Variants in NRK observed in about 807,000 individuals in gnomAD.
The protein encoded by NRK is Nik related kinase.
NRK carries 67 observed loss-of-function variants against 125.2 expected under a neutral mutation model. The ratio of observed to expected loss-of-function variants is 0.54; its 90% CI spans 0.44 to 0.66. NRK has a LOEUF of 0.66. NRK is among the 30% of genes least tolerant of loss of function. The pLI is 0.00. For synonymous variants in NRK, 458 were observed against 429.0 expected (o/e 1.07, Z -0.84); for missense variants, 1,224 against 1,192.9 (o/e 1.03, Z -0.38).
chrX:105,835,996 A>G (rs780957010), intron 2 of NRK, among the ~76,000 whole-genome samples: 16 of 111,682 alleles, frequency 1.4e-4, no homozygotes, highest in Non-Finnish European at 3.0e-4. Context: ...AAACAAAGAA[A>G]AATTTAGTTG....
At position 105,909,349 on chromosome X, in the gene NRK, C is replaced by T; in HGVS notation, c.1708C>T (p.Gln570Ter). Residue 570 changes from glutamine to a stop codon, truncating the protein, a stop_gained, in exon 13 of 29, where the codon CAG becomes TAG. Coordinates refer to ENST00000243300, the MANE Select transcript of NRK (RefSeq NM_198465.4). LOFTEE classifies it high-confidence loss of function. ...EVQEQAAEPA[Q>*]AETEAEEPES... ...ACAGGAACAGGCTGCCGAGCCTGCACAGGCAGAGACTGAGGCAGAGGAACC... is the reference window on the plus strand; with the variant it reads ...ACAGGAACAGGCTGCCGAGCCTGCATAGGCAGAGACTGAGGCAGAGGAACC... 1 of 1,206,076 alleles carries T rather than the reference C, an allele frequency of 8.3e-7. No homozygotes were observed. The highest frequency in any genetic ancestry group is 1.1e-6 in the Non-Finnish European group (1 of 891,599).
intron 2 of NRK, among the ~76,000 whole-genome samples, chrX:105,849,841 A>G (rs1329671167): frequency 9.0e-6 from 1 of 111,674 alleles, no homozygotes; most frequent in Non-Finnish European, 1.9e-5. Context: ...CATATTTATT[A>G]CCTCCTGACT....
chrX:105,907,916 C>T (rs1486283839), intron 11 of NRK: 1 of 135,532 alleles, frequency 7.4e-6, no homozygotes, highest in African/African-American at 3.2e-5. Flanking sequence ...AAGCCATGCT[C>T]ACCACTATTT....
chrX:105,941,269 T>C (rs1168482330), intron 23 of NRK, among the ~76,000 whole-genome samples: 1 of 110,775 alleles, frequency 9.0e-6, no homozygotes, highest in Non-Finnish European at 1.9e-5. Flanking sequence ...CCACCTAAGC[T>C]CTCAGAACAG....
At chrX:105,866,014 C>CA (rs113129723) in intron 2 of NRK, among the ~76,000 whole-genome samples, 19,686 of 75,785 alleles carry the variant, frequency 0.26, 1,753 homozygotes, top group Middle Eastern at 0.34. Flanking sequence ...CAAAACAAAG[C>CA]AAAAAAAAAA....
chrX:105,893,794 G>T, intron 5 of NRK, 38 bp from the exon 6 acceptor site: 1 of 839,023 alleles, frequency 1.2e-6, no homozygotes, highest in Non-Finnish European at 1.8e-6. Flanking sequence ...TCAGAAAATT[G>T]GACACTAATT....
Position 105,909,698 on chromosome X carries a change from CAA to C in NRK, c.2060_2061del (p.Lys687SerfsTer26). On this transcript the variant is annotated frameshift_variant, in exon 13 of 29. Transcript: ENST00000243300. LOFTEE classifies it high-confidence loss of function. ...CCAGAACAGGCACGGGAGAAAAAAT[CAA>C]AAGTTTCTACTCTGAGGCAAGCACT... 1 of 1,186,034 alleles carries C rather than the reference CAA, an allele frequency of 8.4e-7. No homozygotes were observed. Among genetic ancestry groups the C allele is most frequent in the Non-Finnish European group, 1.1e-6 (1 of 881,872 alleles).
intron 2 of NRK, among the ~76,000 whole-genome samples, chrX:105,874,335 A>G (rs1010160586): frequency 7.1e-5 from 8 of 112,342 alleles, no homozygotes; most frequent in African/African-American, 2.3e-4. Flanking sequence ...CAAAGGAAGT[A>G]GGGGCTAAAG....
At chrX:105,832,876 AAGTT>A (rs2039212982) in intron 2 of NRK, among the ~76,000 whole-genome samples, 1 of 109,685 alleles carries the variant, frequency 9.1e-6, no homozygotes, top group African/African-American at 3.3e-5. Context: ...TAAAAAGAAA[AAGTT>A]AGCCAGGTGC....
chrX:105,883,599 T>C (rs1420021741), intron 4 of NRK, among the ~76,000 whole-genome samples: 1 of 112,064 alleles, frequency 8.9e-6, no homozygotes, highest in Non-Finnish European at 1.9e-5. Flanking sequence ...TGCAACTACA[T>C]AGCTGCCCAG....
intron 2 of NRK, among the ~76,000 whole-genome samples, chrX:105,848,888 C>A (rs2039434343): frequency 8.9e-6 from 1 of 112,097 alleles, no homozygotes; most frequent in Admixed American, 9.5e-5. Context: ...CTGTTTCCAC[C>A]ATTCTTATCT....
At chrX:105,920,547 G>T (rs1393815619) in intron 16 of NRK, among the ~76,000 whole-genome samples, 1 of 109,027 alleles carries the variant, frequency 9.2e-6, no homozygotes, top group Non-Finnish European at 1.9e-5. Flanking sequence ...TCTTCCATTT[G>T]TTTGTATCCT....
rs1458689338 is a variant in NRK, at chrX:105,906,443, A to G, written c.875A>G (p.Lys292Arg). The change falls in exon 11 of 29, where the codon AAG (lysine) becomes AGG (arginine). Residue 292 changes from lysine to arginine, a missense_variant. Lys to Arg is a conservative substitution (Grantham distance 26, BLOSUM62 2). Transcript: ENST00000243300. ...CGTAAGTTCCACAATTTCATGGAAA[A>G]GTGTACGATAAAAAATTTCCTGTTT... Reference protein sequence around the residue: ...WSRKFHNFMEKCTIKNFLFRP... With the variant: ...WSRKFHNFMERCTIKNFLFRP... The G allele has an allele frequency of 7.7e-6, 9 of 1,165,211 alleles. No homozygotes were observed. The highest frequency in any genetic ancestry group is 8.1e-6 in the Non-Finnish European group (7 of 868,195).
At chrX:105,886,165 C>A (rs1165931171) in intron 4 of NRK, among the ~76,000 whole-genome samples, 1 of 109,617 alleles carries the variant, frequency 9.1e-6, no homozygotes, top group East Asian at 2.9e-4. Context: ...TACTTCTAGA[C>A]CTGACTTGTC....
At chrX:105,829,170 T>A (rs192252884) in intron 1 of NRK, among the ~76,000 whole-genome samples, 2 of 112,072 alleles carry the variant, frequency 1.8e-5, no homozygotes, top group African/African-American at 6.5e-5. Flanking sequence ...AGTTAATTAA[T>A]GGTAGAGCTG....
chrX:105,891,616 T>G (rs751080828), intron 5 of NRK, among the ~76,000 whole-genome samples: 2 of 111,599 alleles, frequency 1.8e-5, no homozygotes, highest in Non-Finnish European at 3.8e-5. Context: ...TTGGCAGCCA[T>G]CAGAATCTCC....
At chrX:105,823,982 T>G (rs772192070) in intron 1 of NRK, among the ~76,000 whole-genome samples, 1 of 112,434 alleles carries the variant, frequency 8.9e-6, no homozygotes, top group Non-Finnish European at 1.9e-5. Flanking sequence ...TTTACACATA[T>G]TTGGCATTTA....
intron 19 of NRK, among the ~76,000 whole-genome samples, chrX:105,931,459 A>G (rs2040593645): frequency 9.0e-6 from 1 of 111,612 alleles, no homozygotes; most frequent in African/African-American, 3.3e-5. Flanking sequence ...GCTTGTGAGG[A>G]CTATGAGATT....
chrX:105,852,118 A>C (rs777510231), intron 2 of NRK, among the ~76,000 whole-genome samples: 8 of 111,685 alleles, frequency 7.2e-5, no homozygotes, highest in African/African-American at 2.6e-4. Flanking sequence ...CTGTTTGCTC[A>C]CCTGAAACTT....
Sources: gnomAD v4.1 joint callset for allele counts (sites outside exome capture counted in the v4.1 genomes callset) on GRCh38, gnomAD v4.1.1 for gene constraint, MANE v1.5 for transcripts, NCBI Gene and HGNC (gene_info 2026-07-23, HGNC 2026-07-21) for gene names.